ENPEP: variants seen among roughly 807,000 people sequenced by gnomAD.
ENPEP encodes the protein AP-A.
Under a neutral mutation model 114.5 loss-of-function variants are expected in ENPEP, and 103 were observed. That is an observed-to-expected ratio of 0.90 (90% CI 0.77 to 1.06). ENPEP has a LOEUF of 1.06. Ranked by LOEUF, ENPEP falls within the 50% of genes least tolerant of loss-of-function variation. The probability of loss-of-function intolerance (pLI) is 0.00; values close to 1 mark genes in which losing one functional copy is unlikely to be tolerated. For missense variants in ENPEP, 1,196 were observed against 1,161.3 expected (o/e 1.03, Z -0.43); for synonymous variants, 420 against 422.0 (o/e 1.00, Z 0.06).
In ENPEP at chr4:110,546,254, T is replaced by C. The variant is rs368082755; in HGVS notation, c.2001-1922T>C. On this transcript the variant is annotated intron_variant, in intron 13 of 19. Transcript: ENST00000265162. ...GGGTCCTGCGTCTTTCTTTGGAGCATTGGAGCATAGGACTTAGTCTTGGGG... is the reference window on the plus strand; with the variant it reads ...GGGTCCTGCGTCTTTCTTTGGAGCACTGGAGCATAGGACTTAGTCTTGGGG... 5.9e-4 allele frequency among the ~76,000 whole-genome samples: 89 copies of C among 152,076 alleles called. 1 individual carries two copies. In the South Asian group the frequency reaches 0.012, roughly 21 times the overall value.
rs945767288 is a variant in ENPEP at position 110,509,864 on chromosome 4, G to A, written c.1194+57G>A. 6 of 1,543,652 alleles carry A rather than the reference G, an allele frequency of 3.9e-6. No individual in the cohort carries two copies. In the East Asian group the frequency reaches 1.1e-4, roughly 29 times the overall value. Reference sequence around the variant, plus strand: ...TTTTTAAAGTGGCTTAAGACCACAGGAATAATTCAAATTATTTATGACTTA... The same window carrying A: ...TTTTTAAAGTGGCTTAAGACCACAGAAATAATTCAAATTATTTATGACTTA... On this transcript the variant is annotated intron_variant, in intron 5 of 19. Coordinates refer to ENST00000265162, the MANE Select transcript of ENPEP (RefSeq NM_001977.4).
At chr4:110,525,329 C>T (rs111486688) in intron 10 of ENPEP, among the ~76,000 whole-genome samples, 9 of 152,210 alleles carry the variant, frequency 5.9e-5, no homozygotes, top group African/African-American at 9.7e-5. Context: ...CTTCCTAGCC[C>T]GGGTTACCCA....
At chr4:110,507,374 T>C (rs1184597276) in intron 4 of ENPEP, among the ~76,000 whole-genome samples, 1 of 152,266 alleles carries the variant, frequency 6.6e-6, no homozygotes, top group Non-Finnish European at 1.5e-5. Context: ...AAATGCTTTA[T>C]TAATAAGCTC....
chr4:110,559,870 C>T lies in ENPEP; in HGVS notation c.2721+145C>T, dbSNP rs528050189. On this transcript the variant is annotated intron_variant, in intron 19 of 19. Coordinates refer to ENST00000265162, the MANE Select transcript of ENPEP (RefSeq NM_001977.4). ...ATACACGTGCCATGGTGGTTTGCTG[C>T]ACCTATCAACCCGCCATCTAGGTTT... 38 of 644,008 alleles carry T rather than the reference C, an allele frequency of 5.9e-5. No individual in the cohort carries two copies. The African/African-American group carries it at 6.6e-4, about 11-fold the overall frequency. The allele number at this position is 644,008 out of a possible 1,614,324, so 39.9% of individuals were successfully genotyped here.
At chr4:110,561,173 A>T (rs1016358186) in intron 19 of ENPEP, among the ~76,000 whole-genome samples, 1 of 152,198 alleles carries the variant, frequency 6.6e-6, no homozygotes, top group African/African-American at 2.4e-5. Context: ...CTTCTCCAAA[A>T]TGTCAGAGCC....
Position 110,476,676 on chromosome 4 carries a change from T to A in ENPEP, c.262T>A (p.Trp88Arg). The A allele has an allele frequency of 6.2e-7, 1 of 1,613,818 alleles. No homozygotes were observed. Among genetic ancestry groups the A allele is most frequent in the Non-Finnish European group, 8.5e-7 (1 of 1,180,030 alleles). Reference protein sequence around the residue: ...CPASEDESGQWKNFRLPDFVN... With the variant: ...CPASEDESGQRKNFRLPDFVN... The stretch of plus-strand genomic sequence containing the variant: ...GGCCAGTGAGGATGAGAGCGGACAG[T>A]GGAAAAACTTTCGACTGCCGGACTT... The change falls in exon 1 of 20, where the codon TGG becomes AGG. Residue 88 changes from tryptophan to arginine, a missense_variant. By Grantham distance (101) the Trp-to-Arg change is moderately radical. Transcript: ENST00000265162.
chr4:110,550,286 G>A (rs1263299263), intron 17 of ENPEP, among the ~76,000 whole-genome samples: 2 of 152,070 alleles, frequency 1.3e-5, no homozygotes, highest in African/African-American at 4.8e-5. Flanking sequence ...TGTCTCTTAT[G>A]CCAACAGGAC....
chr4:110,556,939 T>G (rs1727495392), intron 18 of ENPEP, among the ~76,000 whole-genome samples: 2 of 152,190 alleles, frequency 1.3e-5, no homozygotes, highest in African/African-American at 2.4e-5. Flanking sequence ...TCTGTCGTCA[T>G]GAAGCTTTGA....
At position 110,491,857 on chromosome 4, in the gene ENPEP, A is replaced by T. The variant is rs932480138; in HGVS notation, c.918+693A>T. Among the ~76,000 whole-genome samples the T allele has an allele frequency of 1.2e-3, 179 of 151,576 alleles. 2 individuals carry two copies. The highest frequency in any genetic ancestry group is 4.1e-3 in the African/African-American group (170 of 41,300). ...TGCCTCAGCCTCCTGAGTAGCTGGG[A>T]CTACAGGCACCCGCCACCACGCCTG... On this transcript the variant is annotated intron_variant, in intron 3 of 19. Transcript: ENST00000265162.
chr4:110,514,007 A>G (rs1435263699), intron 7 of ENPEP, among the ~76,000 whole-genome samples: 1 of 152,114 alleles, frequency 6.6e-6, no homozygotes, highest in African/African-American at 2.4e-5. Context: ...TAGAAGATGT[A>G]AAGATGAATT....
At chr4:110,486,867 TTA>T (rs1724523444) in intron 1 of ENPEP, among the ~76,000 whole-genome samples, 1 of 152,190 alleles carries the variant, frequency 6.6e-6, no homozygotes, top group Non-Finnish European at 1.5e-5. Flanking sequence ...AATTTTATTA[TTA>T]CTCAACTTTG....
chr4:110,538,657 G>C (rs1161299392), intron 11 of ENPEP, among the ~76,000 whole-genome samples: 1 of 152,208 alleles, frequency 6.6e-6, no homozygotes, highest in Non-Finnish European at 1.5e-5. Context: ...TTGGCTAACT[G>C]TGTGGTACAA....
intron 8 of ENPEP, chr4:110,515,799 A>G: frequency 2.2e-6 from 1 of 459,298 alleles, no homozygotes; most frequent in Non-Finnish European, 4.4e-6. Context: ...GGAAAGTCCA[A>G]GATCAAAGTG....
At chr4:110,519,935 T>G (rs1197957149) in intron 8 of ENPEP, 73 bp from the exon 9 acceptor site, 2 of 1,367,380 alleles carry the variant, frequency 1.5e-6, no homozygotes, top group East Asian at 2.4e-5. Flanking sequence ...GTAGCAGGGG[T>G]TCAGTTCATC....
chr4:110,495,216 T>C (rs1414694290), intron 3 of ENPEP, among the ~76,000 whole-genome samples: 1 of 152,198 alleles, frequency 6.6e-6, no homozygotes, highest in East Asian at 1.9e-4. Context: ...ATTTTTGAGT[T>C]TTTAAAATTA....
intron 7 of ENPEP, among the ~76,000 whole-genome samples, chr4:110,515,058 A>C (rs987804018): frequency 1.3e-5 from 2 of 152,112 alleles, no homozygotes; most frequent in Non-Finnish European, 2.9e-5. Flanking sequence ...TTTTTAGACT[A>C]TTTCTCTTTC....
chr4:110,531,475 A>G (rs1480792048), intron 11 of ENPEP, among the ~76,000 whole-genome samples, 198 bp downstream of exon 11: 1 of 152,158 alleles, frequency 6.6e-6, no homozygotes, highest in East Asian at 1.9e-4. Flanking sequence ...TCAATGATTT[A>G]TCTTGACTGA....
chr4:110,511,196 T>C (rs970710381), intron 6 of ENPEP, among the ~76,000 whole-genome samples: 4 of 152,256 alleles, frequency 2.6e-5, no homozygotes, highest in Non-Finnish European at 4.4e-5. Flanking sequence ...TTACAGTTTC[T>C]GTAGCCTGCT....
At chr4:110,491,513 A>G (rs1325166811) in intron 3 of ENPEP, among the ~76,000 whole-genome samples, 1 of 152,188 alleles carries the variant, frequency 6.6e-6, no homozygotes, top group African/African-American at 2.4e-5. Flanking sequence ...TCTCCCAGAT[A>G]TAGACTAGAG....
Sources: allele counts gnomAD v4.1 joint callset (sites outside exome capture counted in the v4.1 genomes callset), GRCh38; gene constraint gnomAD v4.1.1; transcripts MANE v1.5; gene names NCBI Gene and HGNC (gene_info 2026-07-23, HGNC 2026-07-21).